PTPRM: variants seen among roughly 807,000 people sequenced by gnomAD.
The protein encoded by PTPRM is receptor-type tyrosine-protein phosphatase mu.
Under a neutral mutation model 186.7 loss-of-function variants are expected in PTPRM, and 47 were observed. The ratio of observed to expected loss-of-function variants is 0.25; its 90% CI spans 0.20 to 0.32. The LOEUF is 0.32. Ranked by LOEUF, PTPRM falls within the 10% of genes least tolerant of loss-of-function variation. The pLI, the probability that PTPRM is intolerant of heterozygous loss-of-function variation, is 1.00. For synonymous variants in PTPRM, 668 were observed against 674.9 expected (o/e 0.99, Z 0.16); for missense variants, 1,494 against 1,865.0 (o/e 0.80, Z 3.66).
chr18:8,137,779 G>A (rs557289228), intron 13 of PTPRM, among the ~76,000 whole-genome samples: 121 of 152,080 alleles, frequency 8.0e-4, no homozygotes, highest in African/African-American at 2.0e-3. Context: ...CCCACCCAGC[G>A]TTGAAGCCTT....
rs578164821 is a variant in PTPRM at position 8,289,631 on chromosome 18, T to C, written c.2755-6737T>C. Among the ~76,000 whole-genome samples the C allele has an allele frequency of 5.5e-5, 8 of 145,350 alleles. 1 individual carries two copies. Among genetic ancestry groups the C allele is most frequent in the Non-Finnish European group, 7.5e-5 (5 of 66,884 alleles). ...ACATATATATATACACATATATATA[T>C]ACACACATATATATATAGGCGGCAA... On this transcript the variant is annotated intron_variant, in intron 19 of 32. Transcript: ENST00000580170.
At chr18:8,206,162 G>A (rs1384266603) in intron 14 of PTPRM, among the ~76,000 whole-genome samples, 1 of 152,178 alleles carries the variant, frequency 6.6e-6, no homozygotes, top group Non-Finnish European at 1.5e-5. Flanking sequence ...AATGGCTATT[G>A]TAGTAGTAGA....
intron 23 of PTPRM, chr18:8,366,946 C>G (rs535367833): frequency 1.3e-5 from 2 of 152,396 alleles, no homozygotes; most frequent in East Asian, 3.9e-4. Flanking sequence ...GGCGCACGAT[C>G]AGAGCAGGGA....
intron 14 of PTPRM, among the ~76,000 whole-genome samples, chr18:8,209,433 A>C (rs1259226550): frequency 6.6e-6 from 1 of 152,196 alleles, no homozygotes; most frequent in Non-Finnish European, 1.5e-5. Flanking sequence ...AGCTTGAGCA[A>C]CTACAAAGAT....
At chr18:8,264,169 C>G (rs1002732390) in intron 19 of PTPRM, among the ~76,000 whole-genome samples, 2 of 152,164 alleles carry the variant, frequency 1.3e-5, no homozygotes, top group African/African-American at 4.8e-5. Context: ...CTGATGACAG[C>G]AGTGTTCTGT....
rs1046839342 is a variant in PTPRM at position 7,832,307 on chromosome 18, A to T, written c.197-55799A>T. Among the ~76,000 whole-genome samples the T allele has an allele frequency of 3.3e-5, 5 of 152,262 alleles. No individual in the cohort carries two copies. The East Asian group carries it at 9.7e-4, about 29-fold the overall frequency. On this transcript the variant is annotated intron_variant, in intron 2 of 32. Coordinates refer to ENST00000580170, the MANE Select transcript of PTPRM (RefSeq NM_001105244.2). Reference sequence around the variant, plus strand: ...GCATTTGTTATTGCCTGTCTTTTGGATATAAGCCGTTTTAACTGGGGCGAG... The same window carrying T: ...GCATTTGTTATTGCCTGTCTTTTGGTTATAAGCCGTTTTAACTGGGGCGAG...
intron 22 of PTPRM, among the ~76,000 whole-genome samples, chr18:8,326,523 G>T (rs1469940176): frequency 6.6e-6 from 1 of 152,174 alleles, no homozygotes; most frequent in Non-Finnish European, 1.5e-5. Flanking sequence ...CACTTTATGT[G>T]ACTTGAAACT....
At chr18:8,374,348 A>G (rs373786400) in intron 24 of PTPRM, among the ~76,000 whole-genome samples, 5 of 152,306 alleles carry the variant, frequency 3.3e-5, no homozygotes, top group African/African-American at 1.2e-4. Flanking sequence ...ACCCACCAGG[A>G]CATGGAGAAA....
At chr18:7,759,938 A>G (rs1401384207) in intron 1 of PTPRM, among the ~76,000 whole-genome samples, 1 of 152,156 alleles carries the variant, frequency 6.6e-6, no homozygotes, top group African/African-American at 2.4e-5. Flanking sequence ...AGCAAATATG[A>G]TGTCATTTTG....
chr18:8,231,821 G>A (rs922423870), intron 14 of PTPRM, among the ~76,000 whole-genome samples: 9 of 152,072 alleles, frequency 5.9e-5, no homozygotes, highest in Non-Finnish European at 1.0e-4. Context: ...ACATAAGTGA[G>A]CAGAAAATAC....
At chr18:8,153,949 C>A (rs2093065828) in intron 14 of PTPRM, among the ~76,000 whole-genome samples, 1 of 152,178 alleles carries the variant, frequency 6.6e-6, no homozygotes, top group Admixed American at 6.5e-5. Flanking sequence ...CTTCTCAATT[C>A]CAAAATGTCA....
intron 7 of PTPRM, among the ~76,000 whole-genome samples, chr18:8,032,246 T>A (rs2086026152): frequency 6.6e-6 from 1 of 152,172 alleles, no homozygotes; most frequent in South Asian, 2.1e-4. Flanking sequence ...CAAGTCTCCT[T>A]ATATTTGTGC....
At position 8,314,854 on chromosome 18, in the gene PTPRM, C is replaced by T. The variant is rs1176082778; in HGVS notation, c.2916C>T (p.Ile972=). 4.4e-6 allele frequency: 7 copies of T among 1,573,332 alleles called. No individual in the cohort carries two copies. The highest frequency in any genetic ancestry group is 4.5e-5 in the East Asian group (2 of 44,362). The change falls in exon 21 of 33, where the codon ATC becomes ATT. Residue 972 remains isoleucine, a synonymous_variant. Coordinates refer to ENST00000580170, the MANE Select transcript of PTPRM (RefSeq NM_001105244.2). The part of the protein sequence containing the change: ...TNSDYINGNY[I]DGYHRPNHYI... ...CAGACTATATCAATGGCAATTATATCGATGTATGTATTTTATTATTTTTAA... is the reference window on the plus strand; with the variant it reads ...CAGACTATATCAATGGCAATTATATTGATGTATGTATTTTATTATTTTTAA...
At chr18:7,990,563 G>C (rs1033014002) in intron 7 of PTPRM, among the ~76,000 whole-genome samples, 6 of 152,108 alleles carry the variant, frequency 3.9e-5, no homozygotes, top group African/African-American at 1.4e-4. Flanking sequence ...AGGGTTAAAA[G>C]CCTCAAATGG....
chr18:8,094,371 A>G (rs2090911224), intron 11 of PTPRM, among the ~76,000 whole-genome samples: 2 of 151,916 alleles, frequency 1.3e-5, no homozygotes. Context: ...TGTCTCAAAA[A>G]AAAAAAAGAT....
intron 5 of PTPRM, among the ~76,000 whole-genome samples, chr18:7,932,143 G>A (rs766217293): frequency 9.2e-5 from 14 of 152,324 alleles, no homozygotes; most frequent in Non-Finnish European, 1.9e-4. Context: ...AGGACAAAGA[G>A]CAGAAGACGG....
chr18:8,097,266 A>G (rs2091058538), intron 11 of PTPRM, among the ~76,000 whole-genome samples: 1 of 152,184 alleles, frequency 6.6e-6, no homozygotes, highest in South Asian at 2.1e-4. Context: ...CAGCTCTTCA[A>G]TCAGACAGTA....
At chr18:8,055,269 A>G (rs1459115410) in intron 7 of PTPRM, among the ~76,000 whole-genome samples, 1 of 151,824 alleles carries the variant, frequency 6.6e-6, no homozygotes, top group African/African-American at 2.4e-5. Flanking sequence ...ACATAGATAC[A>G]CCCTCTAATT....
intron 27 of PTPRM, among the ~76,000 whole-genome samples, chr18:8,378,777 T>G (rs913516313): frequency 3.9e-5 from 6 of 152,164 alleles, no homozygotes; most frequent in African/African-American, 1.4e-4. Context: ...AAGTGTGTGT[T>G]CAGACTTTCC....
Sources: gnomAD v4.1 joint callset for allele counts (sites outside exome capture counted in the v4.1 genomes callset) on GRCh38, gnomAD v4.1.1 for gene constraint, MANE v1.5 for transcripts, NCBI Gene and HGNC (gene_info 2026-07-23, HGNC 2026-07-21) for gene names.